Variants in PDE1C observed in about 807,000 individuals in gnomAD.
PDE1C encodes the protein dual specificity calcium/calmodulin-dependent 3',5'-cyclic nucleotide phosphodiesterase 1C.
A neutral mutation model predicts 93.1 loss-of-function variants in PDE1C; 62 were observed. The ratio of observed to expected loss-of-function variants is 0.67; its 90% CI spans 0.54 to 0.82. PDE1C has a LOEUF of 0.82. Ranked by LOEUF, PDE1C falls within the 40% of genes least tolerant of loss-of-function variation. PDE1C has a pLI of 0.00. For synonymous variants in PDE1C, 325 were observed against 310.1 expected (o/e 1.05, Z -0.50); for missense variants, 742 against 884.6 (o/e 0.84, Z 2.04).
chr7:31,942,100 T>C (rs6462315), intron 2 of PDE1C, among the ~76,000 whole-genome samples: 1 of 151,928 alleles, frequency 6.6e-6, no homozygotes, highest in Non-Finnish European at 1.5e-5. Flanking sequence ...TTTTCTTTTT[T>C]CATTCGCCTC....
chr7:32,233,806 A>G lies in PDE1C; in HGVS notation c.86-24267T>C, dbSNP rs75223160. Among the ~76,000 whole-genome samples, 875 of 152,226 alleles carry G rather than the reference A, an allele frequency of 5.7e-3. 4 individuals are homozygous for G. Among genetic ancestry groups the G allele is most frequent in the African/African-American group, 0.02 (836 of 41,570 alleles). ...GAAAATTAGCAAGATGTAGAACTCA[A>G]TGCCATCAACCAACTGAATAAATGA... On this transcript the variant is annotated intron_variant, in intron 1 of 18. Coordinates refer to the PDE1C transcript ENST00000396193.
rs34551942 is a variant in PDE1C, at chr7:31,936,433, GAA to G, written c.129-55575_129-55574del. Among the ~76,000 whole-genome samples the G allele has an allele frequency of 3.8e-4, 49 of 128,624 alleles. 2 individuals carry two copies. The South Asian group carries it at 6.7e-3, about 18-fold the overall frequency. The allele number at this position is 128,624 out of a possible 152,430, so 84.4% of individuals were successfully genotyped here. ...CTAAGCTCATTCCTTCCAGGGAGAA[GAA>G]AAAAAAAAAAAACTCTAAAAAGTTA... On this transcript the variant is annotated intron_variant, in intron 2 of 17. Transcript: ENST00000396191.
chr7:31,850,615 T>C, intron 8 of PDE1C, 26 bp downstream of exon 8: 1 of 1,505,680 alleles, frequency 6.6e-7, no homozygotes, highest in Middle Eastern at 1.7e-4. Flanking sequence ...CTCTTGCCTC[T>C]CTTCCAAACA....
the PDE1C span, among the ~76,000 whole-genome samples, chr7:31,733,650 T>G: frequency 6.6e-6 from 1 of 152,190 alleles, no homozygotes; most frequent in African/African-American, 2.4e-5. Flanking sequence ...CATACTACAT[T>G]ACATGCCTTC....
chr7:32,255,031 T>C (rs1288166990), intron 1 of PDE1C, among the ~76,000 whole-genome samples: 3 of 152,222 alleles, frequency 2.0e-5, no homozygotes, highest in African/African-American at 4.8e-5. Flanking sequence ...AGATGAAACA[T>C]GAACCTTTCC....
chr7:31,668,494 TAA>T, the PDE1C span, among the ~76,000 whole-genome samples: 20 of 151,072 alleles, frequency 1.3e-4, no homozygotes, highest in Admixed American at 2.6e-4. Flanking sequence ...TCTTCAGCAA[TAA>T]AAAAAAAAGG....
At chr7:32,096,438 T>G (rs1797751244) in intron 3 of PDE1C, among the ~76,000 whole-genome samples, 1 of 152,184 alleles carries the variant, frequency 6.6e-6, no homozygotes, top group Admixed American at 6.5e-5. Flanking sequence ...ATAGGGTGCA[T>G]AAAATGTCAA....
chr7:31,882,218 T>C (rs145730726), intron 2 of PDE1C, among the ~76,000 whole-genome samples: 5 of 152,276 alleles, frequency 3.3e-5, no homozygotes, highest in African/African-American at 9.6e-5. Context: ...ATCTGCAATA[T>C]ATCAAACGGA....
chr7:31,809,960 G>T (rs1357447494), intron 15 of PDE1C, among the ~76,000 whole-genome samples: 6 of 152,016 alleles, frequency 3.9e-5, no homozygotes. Context: ...CATCGATTAT[G>T]GCAAATACAT....
intron 1 of PDE1C, among the ~76,000 whole-genome samples, chr7:32,232,371 A>T (rs1807763180): frequency 6.6e-6 from 1 of 152,210 alleles, no homozygotes; most frequent in African/African-American, 2.4e-5. Context: ...CTTAGCACCT[A>T]GCAGACTGCA....
At chr7:32,107,402 G>T (rs1237366257) in intron 3 of PDE1C, among the ~76,000 whole-genome samples, 2 of 152,006 alleles carry the variant, frequency 1.3e-5, no homozygotes, top group Non-Finnish European at 2.9e-5. Flanking sequence ...AGTAATAATG[G>T]CTGTTCCTAC....
chr7:32,249,236 C>A (rs1193279065), intron 1 of PDE1C, among the ~76,000 whole-genome samples: 2 of 151,998 alleles, frequency 1.3e-5, no homozygotes. Context: ...GCAATCAATT[C>A]TTAGCCAAAC....
chr7:32,155,565 G>T (rs1321456779), intron 3 of PDE1C, among the ~76,000 whole-genome samples: 1 of 152,166 alleles, frequency 6.6e-6, no homozygotes, highest in East Asian at 1.9e-4. Flanking sequence ...ACCCAGAAAA[G>T]GTTAATTCCT....
chr7:31,648,005 T>C, the PDE1C span, among the ~76,000 whole-genome samples: 1 of 152,174 alleles, frequency 6.6e-6, no homozygotes, highest in Non-Finnish European at 1.5e-5. Flanking sequence ...TAAATTGTTA[T>C]ATATAGGTAA....
At position 31,753,204 on chromosome 7, in the gene PDE1C, T is replaced by C. The variant is rs1794221235; in HGVS notation, c.*180A>G. 4.1e-6 allele frequency: 3 copies of C among 727,954 alleles called. No homozygotes were observed. Among genetic ancestry groups the C allele is most frequent in the South Asian group, 2.5e-5 (1 of 39,412 alleles). The allele number at this position is 727,954 out of a possible 1,614,324, so 45.1% of individuals were successfully genotyped here. ...CCACATACAGCAATTGAAAAGTCTA[T>C]ACAAGAACAACAAAGAGGAAAATCA... On this transcript the variant is annotated 3_prime_UTR_variant, in exon 18 of 18. Transcript: ENST00000396191.
At chr7:31,734,811 G>A in the PDE1C span, among the ~76,000 whole-genome samples, 2 of 152,132 alleles carry the variant, frequency 1.3e-5, no homozygotes, top group African/African-American at 4.8e-5. Context: ...ATATGAATAA[G>A]TTTTTCATAT....
At chr7:31,897,879 T>C (rs147909726) in intron 2 of PDE1C, among the ~76,000 whole-genome samples, 1,587 of 152,268 alleles carry the variant, frequency 0.01, 15 homozygotes, top group Non-Finnish European at 0.019. Context: ...TATTTTTTCC[T>C]TTCTTATAGT....
At chr7:32,021,665 T>C (rs1442647782) in intron 2 of PDE1C, among the ~76,000 whole-genome samples, 1 of 152,138 alleles carries the variant, frequency 6.6e-6, no homozygotes, top group Non-Finnish European at 1.5e-5. Context: ...ATTATTTCAA[T>C]ACATTATTTG....
intron 1 of PDE1C, among the ~76,000 whole-genome samples, chr7:32,064,928 G>T (rs1795206120): frequency 6.6e-6 from 1 of 151,962 alleles, no homozygotes; most frequent in African/African-American, 2.4e-5. Flanking sequence ...TAGATGAGCT[G>T]CAAGAGGACA....
Sources: gnomAD v4.1 joint callset for allele counts (sites outside exome capture counted in the v4.1 genomes callset) on GRCh38, gnomAD v4.1.1 for gene constraint, MANE v1.5 for transcripts, NCBI Gene and HGNC (gene_info 2026-07-23, HGNC 2026-07-21) for gene names.